The following CCDC125 variants were observed in gnomAD, a reference collection of about 807,000 sequenced individuals.
The protein encoded by CCDC125 is coiled-coil domain containing 125, also known as coiled-coil domain-containing protein 125.
A neutral mutation model predicts 57.4 loss-of-function variants in CCDC125; 43 were observed. The observed-to-expected ratio is 0.75, with a 90% CI of 0.59 to 0.97. The LOEUF is 0.97. Ranked by LOEUF, CCDC125 falls within the 50% of genes least tolerant of loss-of-function variation. CCDC125 has a pLI of 0.00. For missense variants in CCDC125, 563 were observed against 595.7 expected (o/e 0.95, Z 0.57); for synonymous variants, 187 against 195.2 (o/e 0.96, Z 0.35).
chr5:69,293,922 G>A (rs985260206), intron 9 of CCDC125: 1 of 152,308 alleles, frequency 6.6e-6, no homozygotes, highest in Non-Finnish European at 1.5e-5. Context: ...CATGTTCATG[G>A]TGCTGTGCTA....
intron 10 of CCDC125, among the ~76,000 whole-genome samples, chr5:69,290,679 G>C (rs1754298719): frequency 6.9e-6 from 1 of 144,332 alleles, no homozygotes; most frequent in South Asian, 2.2e-4. Flanking sequence ...CCCCAGGCTG[G>C]AGTGCAGTAG....
intron 3 of CCDC125, among the ~76,000 whole-genome samples, chr5:69,313,077 TAAAGAAA>T (rs1758421827): frequency 1.3e-5 from 2 of 151,962 alleles, no homozygotes; most frequent in South Asian, 4.2e-4. Flanking sequence ...GGGGTGTTGT[TAAAGAAA>T]ATACAGGCCC....
intron 6 of CCDC125, among the ~76,000 whole-genome samples, chr5:69,306,174 A>G (rs1757298813): frequency 6.6e-6 from 1 of 151,430 alleles, no homozygotes. Flanking sequence ...CAGTCCTCCC[A>G]CCTCAGGCTC....
intron 10 of CCDC125, among the ~76,000 whole-genome samples, chr5:69,290,073 G>C (rs988059560): frequency 6.6e-6 from 1 of 151,836 alleles, no homozygotes; most frequent in Non-Finnish European, 1.5e-5. Context: ...TCTATGATCT[G>C]CATTTCCCTA....
chr5:69,314,007 T>C lies in CCDC125; in HGVS notation c.344A>G (p.Gln115Arg), dbSNP rs764198536. ...TACCTCTAAAGTTTCATTAAGACATTGCCTTAATTCTTCATTTGACAATTC... is the reference window on the plus strand; with the variant it reads ...TACCTCTAAAGTTTCATTAAGACATCGCCTTAATTCTTCATTTGACAATTC... ...NSELSNEELR[Q>R]CLNETLEEVE... The change falls in exon 3 of 12, where the codon CAA (glutamine) becomes CGA (arginine). Residue 115 changes from glutamine (Q) to arginine (R), a missense_variant. Physicochemically the swap from Gln to Arg is conservative, Grantham distance 43 (BLOSUM62 1). Coordinates refer to ENST00000396496, the MANE Select transcript of CCDC125 (RefSeq NM_176816.5). The C allele has an allele frequency of 6.2e-7, 1 of 1,610,332 alleles. No individual in the cohort carries two copies. Among genetic ancestry groups the C allele is most frequent in the Admixed American group, 1.7e-5 (1 of 60,004 alleles).
intron 1 of CCDC125, among the ~76,000 whole-genome samples, chr5:69,329,809 T>C (rs1761197986): frequency 6.6e-6 from 1 of 152,166 alleles, no homozygotes; most frequent in African/African-American, 2.4e-5. Flanking sequence ...AGCTCGGATG[T>C]ATTTTTTTCT....
chr5:69,298,108 C>A (rs1021118201), intron 8 of CCDC125, among the ~76,000 whole-genome samples: 1 of 152,002 alleles, frequency 6.6e-6, no homozygotes, highest in East Asian at 1.9e-4. Flanking sequence ...CTCTGCCTCC[C>A]GGGTTCAAGC....
chr5:69,280,715 A>G lies in CCDC125; in HGVS notation c.*2014T>C, dbSNP rs1752422289. Reference sequence around the variant, plus strand: ...GCTGTCAACACATGCATTTTGCTTTATTCATTTGCTTTATCTTATGGATCT... The same window carrying G: ...GCTGTCAACACATGCATTTTGCTTTGTTCATTTGCTTTATCTTATGGATCT... On this transcript the variant is annotated 3_prime_UTR_variant, in exon 12 of 12. Transcript: ENST00000396496. The G allele has an allele frequency of 6.6e-6, 1 of 152,204 alleles. No homozygotes were observed. Among genetic ancestry groups the G allele is most frequent in the Non-Finnish European group, 1.5e-5 (1 of 68,026 alleles). 9.4% of individuals were successfully genotyped at this position (152,204 alleles called of 1,614,324 possible).
the CCDC125 span, among the ~76,000 whole-genome samples, chr5:69,274,641 A>G: frequency 5.3e-5 from 8 of 152,092 alleles, no homozygotes; most frequent in Admixed American, 2.0e-4. Flanking sequence ...TTTGAGACGA[A>G]GTCTTGCTCT....
intron 3 of CCDC125, among the ~76,000 whole-genome samples, chr5:69,313,113 T>TG (rs1758431142): frequency 6.6e-6 from 1 of 151,924 alleles, no homozygotes; most frequent in South Asian, 2.1e-4. Context: ...CTGGGGTGCC[T>TG]GGGGGGAACT....
chr5:69,295,652 G>C (rs1464603707), intron 8 of CCDC125, among the ~76,000 whole-genome samples: 3 of 152,158 alleles, frequency 2.0e-5, no homozygotes, highest in Non-Finnish European at 2.9e-5. Flanking sequence ...ACCTAACTCA[G>C]AGCAGATGAC....
downstream of CCDC125, chr5:69,276,758 G>T: frequency 7.5e-7 from 1 of 1,327,878 alleles, no homozygotes; most frequent in Non-Finnish European, 1.1e-6. Flanking sequence ...TGTATGGCTA[G>T]CGACTGAACA....
chr5:69,303,051 G>C (rs899727621), intron 7 of CCDC125, among the ~76,000 whole-genome samples: 1 of 152,046 alleles, frequency 6.6e-6, no homozygotes, highest in Non-Finnish European at 1.5e-5. Flanking sequence ...ACCGAGTTTC[G>C]CTCTGTCACC....
chr5:69,324,047 G>T (rs899142804), intron 1 of CCDC125, among the ~76,000 whole-genome samples: 1 of 151,364 alleles, frequency 6.6e-6, no homozygotes, highest in African/African-American at 2.4e-5. Context: ...CCAAAACTTC[G>T]AAAGACATTT....
At chr5:69,325,325 CAAAA>C (rs10689123) in intron 1 of CCDC125, among the ~76,000 whole-genome samples, 4 of 107,936 alleles carry the variant, frequency 3.7e-5, no homozygotes, top group Admixed American at 1.1e-4. Flanking sequence ...GATTCTGTCT[CAAAA>C]AAAAAAAAAA....
At chr5:69,285,291 A>G (rs1244720306) in intron 11 of CCDC125, 46 bp downstream of exon 11, 3 of 1,598,008 alleles carry the variant, frequency 1.9e-6, no homozygotes, top group Non-Finnish European at 2.6e-6. Context: ...TGGGTTGGAC[A>G]AGCTTGGCTT....
chr5:69,300,890 C>G (rs1158327930), intron 7 of CCDC125, among the ~76,000 whole-genome samples: 1 of 150,788 alleles, frequency 6.6e-6, no homozygotes, highest in Non-Finnish European at 1.5e-5. Context: ...TTCTTTTTTT[C>G]CTTCCTTTTC....
At chr5:69,285,128 A>G (rs1408671580) in intron 11 of CCDC125, among the ~76,000 whole-genome samples, 1 of 151,746 alleles carries the variant, frequency 6.6e-6, no homozygotes, top group Admixed American at 6.6e-5. Flanking sequence ...AAAAACAAAC[A>G]AAACAAAAAA....
chr5:69,287,016 C>T (rs998494378), intron 10 of CCDC125, among the ~76,000 whole-genome samples: 3 of 144,634 alleles, frequency 2.1e-5, no homozygotes, highest in Non-Finnish European at 4.6e-5. Context: ...AAAAAAAACC[C>T]AAAAGCAAAA....
Sources: allele counts gnomAD v4.1 joint callset (sites outside exome capture counted in the v4.1 genomes callset), GRCh38; gene constraint gnomAD v4.1.1; transcripts MANE v1.5; gene names NCBI Gene and HGNC (gene_info 2026-07-23, HGNC 2026-07-21).